RPTOR: variants seen among roughly 807,000 people sequenced by gnomAD.
The protein encoded by RPTOR is regulatory associated protein of MTOR complex 1.
In RPTOR, 21 loss-of-function variants were observed where a neutral mutation model predicts 169.9. That is an observed-to-expected ratio of 0.12 (90% CI 0.09 to 0.18). RPTOR has a LOEUF of 0.18. Ranked by LOEUF, RPTOR falls within the 10% of genes least tolerant of loss-of-function variation. The pLI, the probability that RPTOR is intolerant of heterozygous loss-of-function variation, is 1.00. For missense variants in RPTOR, 1,133 were observed against 1,855.9 expected, an observed-to-expected ratio of 0.61 and a Z score of 7.16; for synonymous variants, 732 against 753.2, an observed-to-expected ratio of 0.97 and a Z score of 0.46.
chr17:80,675,726 C>G (rs547289355), intron 3 of RPTOR, among the ~76,000 whole-genome samples: 185 of 152,268 alleles, frequency 1.2e-3, no homozygotes, highest in African/African-American at 4.3e-3. Flanking sequence ...CCGGGCTGGC[C>G]CCAGCTTCAC....
chr17:80,781,555 A>G (rs1318551841), intron 6 of RPTOR, among the ~76,000 whole-genome samples: 1 of 152,224 alleles, frequency 6.6e-6, no homozygotes, highest in Non-Finnish European at 1.5e-5. Flanking sequence ...GATATTTTTA[A>G]GAGTACATTT....
chr17:80,788,370 C>A (rs1334917795), intron 6 of RPTOR, among the ~76,000 whole-genome samples: 1 of 152,098 alleles, frequency 6.6e-6, no homozygotes, highest in African/African-American at 2.4e-5. Flanking sequence ...ATCACTTGAA[C>A]CCAGGAGGCA....
At chr17:80,715,434 T>C (rs2066231465) in intron 4 of RPTOR, among the ~76,000 whole-genome samples, 1 of 152,240 alleles carries the variant, frequency 6.6e-6, no homozygotes, top group Non-Finnish European at 1.5e-5. Flanking sequence ...TCCAAGGCCA[T>C]GCCAGGCATT....
At chr17:80,601,581 T>C (rs1200691616) in intron 1 of RPTOR, among the ~76,000 whole-genome samples, 6 of 32,136 alleles carry the variant, frequency 1.9e-4, no homozygotes, top group Admixed American at 1.2e-3. Context: ...TTAAATTTAT[T>C]TTTTTATTGA....
chr17:80,817,870 T>C (rs540170061), intron 7 of RPTOR, among the ~76,000 whole-genome samples: 5 of 152,242 alleles, frequency 3.3e-5, no homozygotes, highest in Non-Finnish European at 5.9e-5. Context: ...CACTCTACAG[T>C]GGTTGCACAA....
chr17:80,918,738 C>G (rs1192539687), intron 21 of RPTOR, among the ~76,000 whole-genome samples: 2 of 152,198 alleles, frequency 1.3e-5, no homozygotes, highest in African/African-American at 4.8e-5. Flanking sequence ...ACTCCCACCC[C>G]CTAGGGCTGT....
At chr17:80,580,582 C>A (rs2065005627) in intron 1 of RPTOR, among the ~76,000 whole-genome samples, 1 of 152,142 alleles carries the variant, frequency 6.6e-6, no homozygotes, top group Non-Finnish European at 1.5e-5. Context: ...TGCCCTTCGT[C>A]CACTTGTAAG....
At chr17:80,904,078 C>T (rs922342631) in intron 20 of RPTOR, among the ~76,000 whole-genome samples, 3 of 152,252 alleles carry the variant, frequency 2.0e-5, no homozygotes, top group East Asian at 1.9e-4. Flanking sequence ...ACCGCCCACC[C>T]GGCCCGGGAG....
chr17:80,840,728 A>T (rs567802865), intron 10 of RPTOR, among the ~76,000 whole-genome samples: 2 of 106,692 alleles, frequency 1.9e-5, no homozygotes, highest in East Asian at 3.2e-4. Context: ...ACGGCAGCTC[A>T]CTCTCACCGC....
intron 1 of RPTOR, among the ~76,000 whole-genome samples, chr17:80,608,808 T>C (rs1300742252): frequency 1.3e-5 from 2 of 152,160 alleles, no homozygotes; most frequent in African/African-American, 4.8e-5. Flanking sequence ...TTGGTGTTTA[T>C]TGAGTGCCCT....
Position 80,708,026 on chromosome 17 carries a change from C to G in RPTOR, c.507+27C>G, listed in dbSNP as rs746645664. 1.2e-6 allele frequency: 2 copies of G among 1,602,476 alleles called. No individual in the cohort carries two copies. The highest frequency in any genetic ancestry group is 1.7e-6 in the Non-Finnish European group (2 of 1,173,948). On this transcript the variant is annotated intron_variant, in intron 4 of 33. Transcript: ENST00000306801. This position sits in a 1 kb window ranked among gnomAD's most constrained non-coding sequence, Gnocchi z 4.2. The stretch of plus-strand genomic sequence containing the variant: ...TGGGTGTGCCTTCCAGCTTCCTTCC[C>G]GTTTCTGCCAAAAGCCATGCCAATT...
chr17:80,901,355 C>T (rs2068474112), intron 20 of RPTOR, among the ~76,000 whole-genome samples: 1 of 152,090 alleles, frequency 6.6e-6, no homozygotes, highest in South Asian at 2.1e-4. Context: ...TTCCACCATC[C>T]TTCTTATACA....
At chr17:80,877,353 C>T (rs1388136101) in intron 13 of RPTOR, among the ~76,000 whole-genome samples, 2 of 152,114 alleles carry the variant, frequency 1.3e-5, no homozygotes, top group East Asian at 1.9e-4. Context: ...CCCTGCCGAG[C>T]GCTGAAAATG....
In RPTOR at chr17:80,785,995, G is replaced by A. The variant is rs528133601; in HGVS notation, c.831-5455G>A. Among the ~76,000 whole-genome samples, 3 of 152,254 alleles carry A rather than the reference G, an allele frequency of 2.0e-5. No homozygotes were observed. The East Asian group carries it at 5.8e-4, about 29-fold the overall frequency. Reference sequence around the variant, plus strand: ...GAGTTTTCATAGAGCGTCTGTCCATGGGGAGAGGAGTGGCTAGGTGGGGTG... The same window carrying A: ...GAGTTTTCATAGAGCGTCTGTCCATAGGGAGAGGAGTGGCTAGGTGGGGTG... On this transcript the variant is annotated intron_variant, in intron 6 of 33. Transcript: ENST00000306801.
chr17:80,625,273 A>G (rs1358194677), intron 1 of RPTOR, among the ~76,000 whole-genome samples: 1 of 152,198 alleles, frequency 6.6e-6, no homozygotes, highest in Non-Finnish European at 1.5e-5. Context: ...TCATTAAATG[A>G]TTGATGGTTT....
chr17:80,673,047 C>T (rs1357908938), intron 3 of RPTOR, among the ~76,000 whole-genome samples: 1 of 152,052 alleles, frequency 6.6e-6, no homozygotes, highest in East Asian at 2.0e-4. Flanking sequence ...ATGCCTCAGC[C>T]TCCCACGTAG....
At chr17:80,916,103 G>A (rs1470793152) in intron 21 of RPTOR, among the ~76,000 whole-genome samples, 2 of 152,164 alleles carry the variant, frequency 1.3e-5, no homozygotes, top group South Asian at 2.1e-4. Context: ...CCCACCAAAT[G>A]TCAGGGCTAC....
intron 1 of RPTOR, among the ~76,000 whole-genome samples, chr17:80,599,924 G>C (rs1406316726): frequency 6.6e-6 from 1 of 152,178 alleles, no homozygotes; most frequent in Non-Finnish European, 1.5e-5. Context: ...GTGCCACCTG[G>C]CTTCTCCTTG....
At chr17:80,890,411 G>C (rs558341614) in intron 17 of RPTOR, among the ~76,000 whole-genome samples, 1 of 152,340 alleles carries the variant, frequency 6.6e-6, no homozygotes, top group Admixed American at 6.5e-5. Context: ...GGCAGCGGGG[G>C]TTCTGTGGTT....
Sources: allele counts gnomAD v4.1 joint callset (sites outside exome capture counted in the v4.1 genomes callset), GRCh38; gene constraint gnomAD v4.1.1; non-coding constraint Gnocchi (gnomAD v3.1); transcripts MANE v1.5; gene names NCBI Gene and HGNC (gene_info 2026-07-23, HGNC 2026-07-21).